Variants in GABRA3 observed in about 807,000 individuals in gnomAD.
GABRA3 encodes the protein gamma-aminobutyric acid receptor subunit alpha-3.
A neutral mutation model predicts 30.1 loss-of-function variants in GABRA3; 10 were observed. The ratio of observed to expected loss-of-function variants is 0.33; its 90% CI spans 0.20 to 0.56. The LOEUF (loss-of-function observed/expected upper bound fraction) is 0.56. GABRA3 is among the 20% of genes least tolerant of loss of function. GABRA3 has a pLI of 0.89. For missense variants in GABRA3, 233 were observed against 392.0 expected, an observed-to-expected ratio of 0.59 and a Z score of 3.42; for synonymous variants, 151 against 146.8, an observed-to-expected ratio of 1.03 and a Z score of -0.21.
At chrX:152,365,924 A>G (rs1360941454) in intron 1 of GABRA3, among the ~76,000 whole-genome samples, 1 of 111,888 alleles carries the variant, frequency 8.9e-6, no homozygotes, top group Non-Finnish European at 1.9e-5. Flanking sequence ...ATTAGATTGC[A>G]CCATATGAAA....
chrX:152,263,875 G>A (rs944665239), intron 4 of GABRA3, among the ~76,000 whole-genome samples: 3 of 111,738 alleles, frequency 2.7e-5, no homozygotes, highest in African/African-American at 9.7e-5. Context: ...CAATACATCT[G>A]GCAGCAGACT....
intron 3 of GABRA3, among the ~76,000 whole-genome samples, chrX:152,293,378 T>C (rs981919162): frequency 1.8e-5 from 2 of 111,409 alleles, no homozygotes; most frequent in South Asian, 3.8e-4. Flanking sequence ...TGCAAACCCC[T>C]GCTTTTTTTT....
At chrX:152,285,475 A>G (rs916707416) in intron 3 of GABRA3, among the ~76,000 whole-genome samples, 2 of 111,392 alleles carry the variant, frequency 1.8e-5, no homozygotes, top group African/African-American at 6.5e-5. Context: ...CAATCTTCCC[A>G]CCTAACCCAA....
At chrX:152,212,124 A>C (rs1042543757) in intron 6 of GABRA3, among the ~76,000 whole-genome samples, 1 of 106,027 alleles carries the variant, frequency 9.4e-6, no homozygotes, top group Non-Finnish European at 1.9e-5. Flanking sequence ...CTCTGCAAAA[A>C]AAATTAAAAA....
chrX:152,360,761 A>AG (rs1256454282), intron 2 of GABRA3, among the ~76,000 whole-genome samples: 24 of 103,096 alleles, frequency 2.3e-4, no homozygotes, highest in Admixed American at 1.6e-3. Flanking sequence ...TAAATTAAAA[A>AG]AAAAAAATGT....
At chrX:152,363,400 G>T (rs1928566944) in intron 2 of GABRA3, among the ~76,000 whole-genome samples, 2 of 111,756 alleles carry the variant, frequency 1.8e-5, no homozygotes, top group African/African-American at 6.5e-5. Flanking sequence ...ACTATCTGTT[G>T]CAGGGAGTCG....
chrX:152,298,509 A>G (rs748770560), intron 3 of GABRA3, among the ~76,000 whole-genome samples: 1 of 109,716 alleles, frequency 9.1e-6, no homozygotes, highest in African/African-American at 3.3e-5. Flanking sequence ...TTTGCTGAGA[A>G]TGATGGTTTC....
intron 2 of GABRA3, among the ~76,000 whole-genome samples, chrX:152,346,260 C>T (rs866282086): frequency 1.3e-4 from 15 of 111,308 alleles, no homozygotes; most frequent in Middle Eastern, 4.6e-3. Flanking sequence ...TTTCAATAAA[C>T]GGTGCTGGGA....
intron 1 of GABRA3, among the ~76,000 whole-genome samples, chrX:152,417,473 C>T (rs1284560323): frequency 2.8e-5 from 3 of 108,390 alleles, no homozygotes; most frequent in Admixed American, 9.9e-5. Context: ...GTGGCGATTC[C>T]TCAGGGATCT....
At chrX:152,261,441 C>T (rs776372585) in intron 4 of GABRA3, among the ~76,000 whole-genome samples, 3 of 111,891 alleles carry the variant, frequency 2.7e-5, no homozygotes, top group Non-Finnish European at 5.6e-5. Flanking sequence ...GAAGCAAGTT[C>T]GTTACTACCT....
intron 1 of GABRA3, among the ~76,000 whole-genome samples, chrX:152,443,546 G>A (rs1930988247): frequency 9.0e-6 from 1 of 111,432 alleles, no homozygotes; most frequent in Non-Finnish European, 1.9e-5. Flanking sequence ...AGGTTCTAGC[G>A]GATATAAGAG....
intron 2 of GABRA3, among the ~76,000 whole-genome samples, chrX:152,357,586 T>A (rs1013951178): frequency 5.4e-5 from 6 of 111,763 alleles, no homozygotes; most frequent in Non-Finnish European, 1.1e-4. Context: ...GTTTACTCCC[T>A]TGATAGTTTC....
intron 7 of GABRA3, among the ~76,000 whole-genome samples, chrX:152,203,628 C>T (rs1937509291): frequency 8.9e-6 from 1 of 111,733 alleles, no homozygotes; most frequent in Admixed American, 9.5e-5. Flanking sequence ...GGTGGGGCTG[C>T]CTTCACTTCT....
At chrX:152,203,891 T>C (rs1937511835) in intron 7 of GABRA3, among the ~76,000 whole-genome samples, 1 of 111,988 alleles carries the variant, frequency 8.9e-6, no homozygotes, top group South Asian at 3.8e-4. Flanking sequence ...CCTTTCCATG[T>C]AACCTAACAT....
intron 3 of GABRA3, among the ~76,000 whole-genome samples, chrX:152,297,109 C>CTAA (rs1939544156): frequency 8.9e-6 from 1 of 111,946 alleles, no homozygotes; most frequent in Admixed American, 9.5e-5. Flanking sequence ...AATCACCACC[C>CTAA]TAACCACTGT....
chrX:152,338,579 C>T (rs1041534008), intron 3 of GABRA3, among the ~76,000 whole-genome samples: 26 of 111,799 alleles, frequency 2.3e-4, no homozygotes, highest in African/African-American at 5.2e-4. Context: ...TCTGTGCTTT[C>T]GAGGTCTTAC....
At chrX:152,375,281 G>A (rs1295906165) in intron 1 of GABRA3, among the ~76,000 whole-genome samples, 1 of 109,978 alleles carries the variant, frequency 9.1e-6, no homozygotes, top group South Asian at 4.0e-4. Context: ...ATCATTTTCA[G>A]TATTTCACTG....
intron 2 of GABRA3, 21 bp from the exon 3 acceptor site, chrX:152,345,723 G>C (rs200469792): frequency 8.7e-7 from 1 of 1,146,756 alleles, no homozygotes; most frequent in Non-Finnish European, 1.2e-6. Flanking sequence ...GCAAGGAAAA[G>C]AAAAAAAATA....
chrX:152,282,735 T>G (rs1939221022), intron 4 of GABRA3, among the ~76,000 whole-genome samples: 1 of 112,101 alleles, frequency 8.9e-6, no homozygotes, highest in South Asian at 3.7e-4. Context: ...AGGAGCTGGT[T>G]GGAACAGGGA....
Sources: gnomAD v4.1 joint callset for allele counts (sites outside exome capture counted in the v4.1 genomes callset) on GRCh38, gnomAD v4.1.1 for gene constraint, MANE v1.5 for transcripts, NCBI Gene and HGNC (gene_info 2026-07-23, HGNC 2026-07-21) for gene names.